Variants in PPP1R14C observed in about 807,000 individuals in gnomAD.
PPP1R14C encodes protein phosphatase 1 regulatory subunit 14C.
A neutral mutation model predicts 20.4 loss-of-function variants in PPP1R14C; 16 were observed. That is an observed-to-expected ratio of 0.78 (90% CI 0.53 to 1.19). The LOEUF (loss-of-function observed/expected upper bound fraction) is 1.19. Among genes scored for constraint, PPP1R14C ranks in the 50% most tolerant of loss-of-function variants. PPP1R14C has a pLI of 0.00. For synonymous variants in PPP1R14C, 91 were observed against 91.0 expected (o/e 1.00, Z 0.00); for missense variants, 211 against 220.1 (o/e 0.96, Z 0.26).
chr6:150,144,334 A>C (rs1313631170), intron 1 of PPP1R14C, among the ~76,000 whole-genome samples: 1 of 152,232 alleles, frequency 6.6e-6, no homozygotes, highest in Non-Finnish European at 1.5e-5. Context: ...AAGGTCATAC[A>C]CAAGTCTCAG....
chr6:150,219,145 T>C (rs775956680), intron 3 of PPP1R14C, among the ~76,000 whole-genome samples: 12 of 152,206 alleles, frequency 7.9e-5, no homozygotes, highest in Non-Finnish European at 1.6e-4. Context: ...TTTTTCACTG[T>C]TAAGCTAACA....
intron 3 of PPP1R14C, among the ~76,000 whole-genome samples, chr6:150,223,344 C>G (rs1275335354): frequency 6.6e-6 from 1 of 152,144 alleles, no homozygotes; most frequent in African/African-American, 2.4e-5. Context: ...CATAAGTTCT[C>G]AAGTCTTTTG....
chr6:150,145,553 G>A (rs538905736), intron 1 of PPP1R14C, among the ~76,000 whole-genome samples: 7 of 152,258 alleles, frequency 4.6e-5, no homozygotes, highest in Admixed American at 4.6e-4. Flanking sequence ...GCCAAATAAA[G>A]GCTTGTCTCT....
intron 1 of PPP1R14C, chr6:150,164,517 A>G (rs186500163): frequency 6.6e-6 from 1 of 152,520 alleles, no homozygotes; most frequent in Admixed American, 6.5e-5. Flanking sequence ...TACCTTTTAT[A>G]TATAGATCTG....
intron 1 of PPP1R14C, among the ~76,000 whole-genome samples, chr6:150,197,528 T>G (rs1382244697): frequency 6.6e-6 from 1 of 152,220 alleles, no homozygotes; most frequent in East Asian, 1.9e-4. Flanking sequence ...GCTAATGGGA[T>G]GCTTTAAGAT....
intron 3 of PPP1R14C, among the ~76,000 whole-genome samples, chr6:150,240,593 T>C (rs1319176251): frequency 6.6e-6 from 1 of 152,224 alleles, no homozygotes; most frequent in Non-Finnish European, 1.5e-5. Context: ...GTTACACCCC[T>C]GTGCAGATGA....
rs532064277 is a variant in PPP1R14C at position 150,219,341 on chromosome 6, G to A, written c.423+2485G>A. ...CCCCCCAGGTTCAAGTGATTCTTGT[G>A]CTTCAGCCTCCTGAGTAGCTGGGAT... On this transcript the variant is annotated intron_variant, in intron 3 of 3. Transcript: ENST00000361131. Among the ~76,000 whole-genome samples the A allele has an allele frequency of 1.2e-4, 18 of 152,022 alleles. No individual in the cohort carries two copies. The East Asian group carries it at 2.5e-3, about 21-fold the overall frequency.
rs1415224838 is a variant in PPP1R14C at position 150,185,358 on chromosome 6, T to A, written c.307-29386T>A. Reference sequence around the variant, plus strand: ...AAGTCACACAGACCTGCAAGGCTCCTGCAATCTGCCCTTTACTCTTTGCCC... The same window carrying A: ...AAGTCACACAGACCTGCAAGGCTCCAGCAATCTGCCCTTTACTCTTTGCCC... On this transcript the variant is annotated intron_variant, in intron 1 of 3. Transcript: ENST00000361131. This position sits in a 1 kb window ranked among gnomAD's most constrained non-coding sequence, Gnocchi z 4.1. Among the ~76,000 whole-genome samples the A allele has an allele frequency of 6.6e-6, 1 of 152,172 alleles. No individual in the cohort carries two copies. The highest frequency in any genetic ancestry group is 1.5e-5 in the Non-Finnish European group (1 of 68,034).
chr6:150,231,583 T>C (rs1778297122), intron 3 of PPP1R14C, among the ~76,000 whole-genome samples: 1 of 152,224 alleles, frequency 6.6e-6, no homozygotes, highest in African/African-American at 2.4e-5. Context: ...TGTACAATCC[T>C]TTACTCTGCA....
intron 3 of PPP1R14C, among the ~76,000 whole-genome samples, chr6:150,236,401 AG>A (rs1383634243): frequency 6.6e-6 from 1 of 152,230 alleles, no homozygotes; most frequent in East Asian, 1.9e-4. Flanking sequence ...TGCATTAAAA[AG>A]GTCCATGCGG....
At chr6:150,192,509 C>A (rs1777757319) in intron 1 of PPP1R14C, among the ~76,000 whole-genome samples, 2 of 152,066 alleles carry the variant, frequency 1.3e-5, no homozygotes, top group African/African-American at 4.8e-5. Context: ...GCTTTCTTGC[C>A]CATGTTCACC....
At chr6:150,203,395 A>G (rs1186677379) in intron 1 of PPP1R14C, among the ~76,000 whole-genome samples, 1 of 152,200 alleles carries the variant, frequency 6.6e-6, no homozygotes, top group African/African-American at 2.4e-5. Context: ...GATGGCCCAT[A>G]TCAGCAATGG....
At chr6:150,155,956 C>T (rs2114855040) in intron 1 of PPP1R14C, among the ~76,000 whole-genome samples, 1 of 129,960 alleles carries the variant, frequency 7.7e-6, no homozygotes, top group Middle Eastern at 5.6e-3. Context: ...ACCTGGGAGG[C>T]AGAGACCGTA....
chr6:150,186,319 T>C (rs1777676497), intron 1 of PPP1R14C, among the ~76,000 whole-genome samples: 1 of 152,206 alleles, frequency 6.6e-6, no homozygotes, highest in African/African-American at 2.4e-5. Flanking sequence ...AATTCCACTG[T>C]TGGTCTGAAG....
Position 150,143,223 on chromosome 6 carries a change from G to C in PPP1R14C, c.31G>C (p.Ala11Pro). The C allele has an allele frequency of 7.3e-7, 1 of 1,368,234 alleles. No homozygotes were observed. Among genetic ancestry groups the C allele is most frequent in the Non-Finnish European group, 9.3e-7 (1 of 1,071,640 alleles). The allele number at this position is 1,368,234 out of a possible 1,614,324, so 84.8% of individuals were successfully genotyped here. MSVATGSSET[A>P]GGASGGGARV... ...GGTGGCGACGGGCAGCAGCGAGACG[G>C]CCGGCGGGGCCAGCGGCGGCGGCGC... The change falls in exon 1 of 4, where the codon GCC becomes CCC. Residue 11 changes from alanine to proline, a missense_variant. Physicochemically the swap from Ala to Pro is conservative, Grantham distance 27. Coordinates refer to ENST00000361131, the MANE Select transcript of PPP1R14C (RefSeq NM_030949.3). The surrounding 1 kb of genome is among the most constrained non-coding windows in gnomAD (Gnocchi z 5.6).
intron 3 of PPP1R14C, among the ~76,000 whole-genome samples, chr6:150,221,965 A>T (rs1778173568): frequency 6.6e-6 from 1 of 151,856 alleles, no homozygotes; most frequent in Non-Finnish European, 1.5e-5. Context: ...CACTCAGCTA[A>T]TTTTTGTTAT....
rs533600580 is a variant in PPP1R14C at position 150,209,921 on chromosome 6, ATGTG to A, written c.307-4816_307-4813del. On this transcript the variant is annotated intron_variant, in intron 1 of 3. Coordinates refer to ENST00000361131, the MANE Select transcript of PPP1R14C (RefSeq NM_030949.3). ...TGTGTGTATGTGTATATGTTTGTGT[ATGTG>A]TGTGTGCATGTGTGTGTATGAGTGG... 2.6e-3 allele frequency among the ~76,000 whole-genome samples: 347 copies of A among 134,652 alleles called. 1 individual carries two copies. Among genetic ancestry groups the A allele is most frequent in the Non-Finnish European group, 4.0e-3 (249 of 61,502 alleles). 88.3% of individuals were successfully genotyped at this position (134,652 alleles called of 152,430 possible).
rs548500448 is a variant in PPP1R14C, at chr6:150,229,221, G to T, written c.423+12365G>T. Among the ~76,000 whole-genome samples, 104 of 152,234 alleles carry T rather than the reference G, an allele frequency of 6.8e-4. 1 individual carries two copies. The South Asian group carries it at 0.014, about 20-fold the overall frequency. On this transcript the variant is annotated intron_variant, in intron 3 of 3. Transcript: ENST00000361131. ...CCCGGAAATGGGTTTCTTTTATTTAGGCAAAATTCAGTTATTTGTAGCAAA... is the reference window on the plus strand; with the variant it reads ...CCCGGAAATGGGTTTCTTTTATTTATGCAAAATTCAGTTATTTGTAGCAAA...
chr6:150,239,443 A>G (rs1282212587), intron 3 of PPP1R14C, among the ~76,000 whole-genome samples: 1 of 152,250 alleles, frequency 6.6e-6, no homozygotes, highest in East Asian at 1.9e-4. Context: ...AAAATCTCCA[A>G]ATCCTTAGAA....
Sources: gnomAD v4.1 joint callset for allele counts (sites outside exome capture counted in the v4.1 genomes callset) on GRCh38, gnomAD v4.1.1 for gene constraint, Gnocchi (gnomAD v3.1) non-coding constraint, MANE v1.5 for transcripts, NCBI Gene and HGNC (gene_info 2026-07-23, HGNC 2026-07-21) for gene names.